RGS8: variants seen among roughly 807,000 people sequenced by gnomAD.
RGS8 encodes the protein regulator of G protein signaling 8, also known as regulator of G-protein signaling 8.
Under a neutral mutation model 21.7 loss-of-function variants are expected in RGS8, and 8 were observed. The ratio of observed to expected loss-of-function variants is 0.37; its 90% CI spans 0.22 to 0.66. The LOEUF (loss-of-function observed/expected upper bound fraction) is 0.66. Ranked by LOEUF, RGS8 falls within the 30% of genes least tolerant of loss-of-function variation. The pLI, the probability that RGS8 is intolerant of heterozygous loss-of-function variation, is 0.59. For synonymous variants in RGS8, 80 were observed against 83.6 expected, an observed-to-expected ratio of 0.96 and a Z score of 0.24; for missense variants, 157 against 217.9, an observed-to-expected ratio of 0.72 and a Z score of 1.76.
chr1:182,741,173 C>T, the RGS8 span, among the ~76,000 whole-genome samples: 69 of 143,036 alleles, frequency 4.8e-4, no homozygotes, highest in African/African-American at 1.6e-3. Context: ...GGCGGCTGGC[C>T]GGGTGGGGGG....
At chr1:182,685,793 C>T (rs1324177751), upstream of RGS8, among the ~76,000 whole-genome samples, 2 of 152,200 alleles carry the variant, frequency 1.3e-5, no homozygotes, top group African/African-American at 2.4e-5. Flanking sequence ...TGCACCATTT[C>T]GACAAAATCA....
At chr1:182,688,353 G>GCT (rs1391240600), upstream of RGS8, among the ~76,000 whole-genome samples, 3 of 149,902 alleles carry the variant, frequency 2.0e-5, no homozygotes, top group African/African-American at 7.4e-5. Context: ...TTTCTCTCTC[G>GCT]CTCGCTCTCT....
intron 2 of RGS8, among the ~76,000 whole-genome samples, chr1:182,670,225 G>A (rs1664089112): frequency 6.6e-6 from 1 of 152,214 alleles, no homozygotes; most frequent in South Asian, 2.1e-4. Context: ...GGGAGTGGGA[G>A]GGAGGTTGGA....
At chr1:182,715,745 T>A in the RGS8 span, among the ~76,000 whole-genome samples, 2 of 152,190 alleles carry the variant, frequency 1.3e-5, no homozygotes, top group East Asian at 3.8e-4. Flanking sequence ...CTGCCAGGTG[T>A]CTTGGTTGCC....
At chr1:182,749,998 C>T in the RGS8 span, among the ~76,000 whole-genome samples, 1 of 152,178 alleles carries the variant, frequency 6.6e-6, no homozygotes, top group South Asian at 2.1e-4. Context: ...CTTTTAATAC[C>T]TACCTCAGAA....
chr1:182,692,362 T>C, the RGS8 span, among the ~76,000 whole-genome samples: 1 of 151,958 alleles, frequency 6.6e-6, no homozygotes, highest in Non-Finnish European at 1.5e-5. Context: ...AACAATGCAA[T>C]CCCATTTACA....
chr1:182,729,909 C>T, the RGS8 span, among the ~76,000 whole-genome samples: 549 of 152,198 alleles, frequency 3.6e-3, 8 homozygotes, highest in African/African-American at 0.013. Context: ...GGCACATATG[C>T]AAAGGAGATA....
At chr1:182,664,865 T>G (rs1169478336) in intron 5 of RGS8, among the ~76,000 whole-genome samples, 1 of 152,264 alleles carries the variant, frequency 6.6e-6, no homozygotes, top group Non-Finnish European at 1.5e-5. Context: ...ATTAATTAGT[T>G]TATCCAGATC....
intron 5 of RGS8, among the ~76,000 whole-genome samples, chr1:182,658,078 G>A (rs1413292563): frequency 1.3e-5 from 2 of 152,230 alleles, no homozygotes; most frequent in Non-Finnish European, 2.9e-5. Flanking sequence ...CACATCTAGT[G>A]ACAGAAAGGG....
At chr1:182,668,762 A>G (rs2102440066) in intron 3 of RGS8, among the ~76,000 whole-genome samples, 1 of 152,332 alleles carries the variant, frequency 6.6e-6, no homozygotes, top group Middle Eastern at 3.4e-3. Context: ...CTCCTGCGAC[A>G]GCGGGCATCT....
At chr1:182,654,747 C>T (rs1464164819) in intron 5 of RGS8, among the ~76,000 whole-genome samples, 1 of 151,944 alleles carries the variant, frequency 6.6e-6, no homozygotes, top group Non-Finnish European at 1.5e-5. Flanking sequence ...AAGGCTTAAA[C>T]TTAGATTCCT....
chr1:182,690,755 C>A, the RGS8 span, among the ~76,000 whole-genome samples: 2 of 152,062 alleles, frequency 1.3e-5, no homozygotes, highest in African/African-American at 4.8e-5. Context: ...AAGTGATGGC[C>A]CTTCATTTGT....
chr1:182,727,532 T>A, the RGS8 span, among the ~76,000 whole-genome samples: 4 of 152,130 alleles, frequency 2.6e-5, no homozygotes, highest in Non-Finnish European at 5.9e-5. Context: ...TTTGGAAAAA[T>A]AGAACCTTTT....
At chr1:182,741,607 C>T in the RGS8 span, among the ~76,000 whole-genome samples, 3 of 116,804 alleles carry the variant, frequency 2.6e-5, no homozygotes, top group Non-Finnish European at 3.7e-5. Context: ...CCAGACGGGG[C>T]GGCTGGCTGG....
At chr1:182,667,605 T>C (rs1450821940) in intron 3 of RGS8, among the ~76,000 whole-genome samples, 2 of 152,246 alleles carry the variant, frequency 1.3e-5, no homozygotes, top group African/African-American at 2.4e-5. Context: ...TCAGTTCTTA[T>C]GCTTGCCTAA....
chr1:182,654,938 TA>T (rs371911494), intron 5 of RGS8, among the ~76,000 whole-genome samples: 253 of 145,234 alleles, frequency 1.7e-3, no homozygotes, highest in African/African-American at 3.9e-3. Flanking sequence ...AGCAGGAAGT[TA>T]AAAAAAAAAA....
chr1:182,718,592 T>A, the RGS8 span, among the ~76,000 whole-genome samples: 1 of 152,018 alleles, frequency 6.6e-6, no homozygotes, highest in African/African-American at 2.4e-5. Context: ...CTGACTAGAA[T>A]AGAGAAAATT....
At chr1:182,734,046 G>A in the RGS8 span, among the ~76,000 whole-genome samples, 2 of 151,490 alleles carry the variant, frequency 1.3e-5, no homozygotes, top group South Asian at 2.1e-4. Flanking sequence ...TCAGCCTCCC[G>A]AGTAGCTGGG....
the RGS8 span, among the ~76,000 whole-genome samples, chr1:182,720,134 G>A: frequency 6.6e-6 from 1 of 152,096 alleles, no homozygotes; most frequent in Non-Finnish European, 1.5e-5. Context: ...AGATAAAATT[G>A]ACCTGAAGAT....
Sources: allele counts gnomAD v4.1 joint callset (sites outside exome capture counted in the v4.1 genomes callset), GRCh38; gene constraint gnomAD v4.1.1; transcripts MANE v1.5; gene names NCBI Gene and HGNC (gene_info 2026-07-23, HGNC 2026-07-21).